Variants in FILIP1L observed in about 807,000 individuals in gnomAD.
The protein encoded by FILIP1L is filamin A interacting protein 1 like.
FILIP1L carries 55 observed loss-of-function variants against 96.6 expected under a neutral mutation model. That is an observed-to-expected ratio of 0.57 (90% CI 0.46 to 0.71). The LOEUF (loss-of-function observed/expected upper bound fraction) is 0.71. Among genes scored for constraint, FILIP1L ranks in the 30% least tolerant of loss-of-function variants. FILIP1L has a pLI of 0.00. For synonymous variants in FILIP1L, 467 were observed against 473.9 expected (o/e 0.99, Z 0.19); for missense variants, 1,304 against 1,321.2 (o/e 0.99, Z 0.20).
intron 4 of FILIP1L, among the ~76,000 whole-genome samples, chr3:99,855,461 C>T (rs911293583): frequency 6.6e-6 from 1 of 152,178 alleles, no homozygotes. Flanking sequence ...GTACATCTGT[C>T]GGTTCTAATT....
intron 4 of FILIP1L, among the ~76,000 whole-genome samples, chr3:99,872,599 C>T (rs1051065793): frequency 6.6e-6 from 1 of 152,012 alleles, no homozygotes; most frequent in African/African-American, 2.4e-5. Flanking sequence ...CATCATTCCC[C>T]AAGCTTGTTT....
chr3:99,912,924 C>T (rs1404261871), intron 4 of FILIP1L, among the ~76,000 whole-genome samples: 3 of 152,054 alleles, frequency 2.0e-5, no homozygotes, highest in African/African-American at 2.4e-5. Flanking sequence ...TTGTGTCCCC[C>T]CAAACTCTTA....
intron 4 of FILIP1L, among the ~76,000 whole-genome samples, chr3:99,872,609 T>TA (rs912618579): frequency 2.0e-5 from 3 of 151,854 alleles, no homozygotes; most frequent in Non-Finnish European, 4.4e-5. Context: ...CAAGCTTGTT[T>TA]AAAAAAAATT....
chr3:99,845,166 T>G (rs1479744666), intron 5 of FILIP1L, among the ~76,000 whole-genome samples: 1 of 152,160 alleles, frequency 6.6e-6, no homozygotes, highest in East Asian at 1.9e-4. Context: ...GTGTACAGAT[T>G]CAAGTGTAGT....
chr3:99,963,907 C>T (rs527800636), intron 1 of FILIP1L, among the ~76,000 whole-genome samples: 17 of 152,198 alleles, frequency 1.1e-4, no homozygotes, highest in Non-Finnish European at 1.8e-4. Context: ...TGAGCCACCG[C>T]GCCCAGCCAC....
chr3:99,864,597 C>T lies in FILIP1L; in HGVS notation c.606-13527G>A, dbSNP rs375237606. 7.2e-4 allele frequency among the ~76,000 whole-genome samples: 110 copies of T among 152,224 alleles called. 2 individuals carry two copies. The South Asian group carries it at 0.022, about 30-fold the overall frequency. On this transcript the variant is annotated intron_variant, in intron 4 of 5. Coordinates refer to ENST00000477258, the MANE Select transcript of FILIP1L (RefSeq NM_001387850.1). ...AAAATGTTGACCTCAGAAGAGTTTC[C>T]TCTTATCCCATACCATGTTTTTGGT...
At chr3:99,872,301 G>T (rs1344986652) in intron 4 of FILIP1L, among the ~76,000 whole-genome samples, 3 of 151,480 alleles carry the variant, frequency 2.0e-5, no homozygotes, top group Non-Finnish European at 4.4e-5. Flanking sequence ...GTGTGTGTGT[G>T]TGTGTGTGTG....
In FILIP1L at chr3:99,980,127, A is replaced by G. The variant is rs370177008; in HGVS notation, c.-10-49097T>C. On this transcript the variant is annotated intron_variant, in intron 1 of 5. Coordinates refer to ENST00000477258, the MANE Select transcript of FILIP1L (RefSeq NM_001387850.1). ...TAATTCAGGCAGTACAGTACGGACT[A>G]TATAGTGAGACATGCAGTAGTACCT... Among the ~76,000 whole-genome samples, 56 of 152,282 alleles carry G rather than the reference A, an allele frequency of 3.7e-4. 2 individuals are homozygous for G. In the South Asian group the frequency reaches 7.2e-3, roughly 20 times the overall value.
At chr3:100,038,430 A>G (rs1052186530) in intron 1 of FILIP1L, among the ~76,000 whole-genome samples, 5 of 152,032 alleles carry the variant, frequency 3.3e-5, no homozygotes, top group Admixed American at 1.3e-4. Flanking sequence ...TTTTTTCACC[A>G]TTTTTTTGCT....
intron 5 of FILIP1L, among the ~76,000 whole-genome samples, chr3:99,836,489 A>G (rs1942900569): frequency 1.3e-5 from 2 of 152,190 alleles, no homozygotes; most frequent in East Asian, 3.8e-4. Context: ...ATCGTGGTAG[A>G]GAAATTGTTG....
chr3:99,863,614 T>C (rs1030077821), intron 4 of FILIP1L, among the ~76,000 whole-genome samples: 16 of 152,252 alleles, frequency 1.1e-4, no homozygotes, highest in African/African-American at 3.9e-4. Flanking sequence ...GGATAATTAA[T>C]TTTTCAGTCT....
At chr3:100,030,237 A>G (rs2065001264) in intron 1 of FILIP1L, among the ~76,000 whole-genome samples, 1 of 152,048 alleles carries the variant, frequency 6.6e-6, no homozygotes, top group African/African-American at 2.4e-5. Flanking sequence ...TTTTGACTGT[A>G]TAGTATTGGA....
chr3:99,870,132 A>T (rs1944717860), intron 4 of FILIP1L, among the ~76,000 whole-genome samples: 1 of 152,124 alleles, frequency 6.6e-6, no homozygotes, highest in Non-Finnish European at 1.5e-5. Flanking sequence ...TCATTATTCA[A>T]TCTTTATTGA....
At chr3:100,054,544 C>T (rs200270520) in intron 1 of FILIP1L, among the ~76,000 whole-genome samples, 6 of 115,168 alleles carry the variant, frequency 5.2e-5, no homozygotes, top group Admixed American at 4.7e-4. Context: ...TATGTTATGT[C>T]ATGTTATGTT....
chr3:99,931,860 A>T (rs1223445497), intron 1 of FILIP1L, among the ~76,000 whole-genome samples: 1 of 152,218 alleles, frequency 6.6e-6, no homozygotes, highest in African/African-American at 2.4e-5. Flanking sequence ...TCCACTGTTG[A>T]GGTTTATAAC....
intron 4 of FILIP1L, among the ~76,000 whole-genome samples, chr3:99,896,526 C>G (rs1417585523): frequency 6.6e-6 from 1 of 151,968 alleles, no homozygotes; most frequent in Non-Finnish European, 1.5e-5. Context: ...GAAAGGTTCC[C>G]AAAAGAGAAC....
At chr3:99,989,837 A>G (rs1223751758) in intron 1 of FILIP1L, among the ~76,000 whole-genome samples, 1 of 152,184 alleles carries the variant, frequency 6.6e-6, no homozygotes. Flanking sequence ...TACTCAGATC[A>G]GTTTCATAAA....
At chr3:100,041,847 CA>C (rs949903159) in intron 1 of FILIP1L, among the ~76,000 whole-genome samples, 11 of 152,072 alleles carry the variant, frequency 7.2e-5, no homozygotes, top group Admixed American at 6.6e-4. Flanking sequence ...CTTCTTTCAA[CA>C]TGAAAGTATA....
At chr3:99,834,382 T>C (rs1942809583) in intron 5 of FILIP1L, among the ~76,000 whole-genome samples, 2 of 152,316 alleles carry the variant, frequency 1.3e-5, no homozygotes, top group South Asian at 4.1e-4. Context: ...TTCTGTAATG[T>C]ATCATGGTTT....
Sources: allele counts gnomAD v4.1 joint callset (sites outside exome capture counted in the v4.1 genomes callset), GRCh38; gene constraint gnomAD v4.1.1; transcripts MANE v1.5; gene names NCBI Gene and HGNC (gene_info 2026-07-23, HGNC 2026-07-21).